The following LRFN2 variants were observed in gnomAD, a reference collection of about 807,000 sequenced individuals.
The protein encoded by LRFN2 is leucine rich repeat and fibronectin type III domain containing 2.
A neutral mutation model predicts 37.3 loss-of-function variants in LRFN2; 18 were observed. That is an observed-to-expected ratio of 0.48 (90% CI 0.33 to 0.72). The LOEUF (loss-of-function observed/expected upper bound fraction) is 0.72, where lower values mean the gene tolerates loss of function less well. Among genes scored for constraint, LRFN2 ranks in the 30% least tolerant of loss-of-function variants. LRFN2 has a pLI of 0.02. For missense variants in LRFN2, 1,006 were observed against 1,060.7 expected, an observed-to-expected ratio of 0.95 and a Z score of 0.72; for synonymous variants, 556 against 466.6, an observed-to-expected ratio of 1.19 and a Z score of -2.47.
At chr6:40,448,866 G>T (rs1407311532) in intron 1 of LRFN2, among the ~76,000 whole-genome samples, 3 of 152,192 alleles carry the variant, frequency 2.0e-5, no homozygotes, top group Non-Finnish European at 4.4e-5. Flanking sequence ...CTGTGGGCTG[G>T]GAAAGGGGTC....
rs938076746 is a variant in LRFN2, at chr6:40,474,144, G to A, written c.-18-41013C>T. Reference sequence around the variant, plus strand: ...TTCTCAGGTAAGTCGAGAGCCTTGTGTATTTGTTTCCTGGTGCTTCCATAA... The same window carrying A: ...TTCTCAGGTAAGTCGAGAGCCTTGTATATTTGTTTCCTGGTGCTTCCATAA... On this transcript the variant is annotated intron_variant, in intron 1 of 2. Coordinates refer to ENST00000338305, the MANE Select transcript of LRFN2 (RefSeq NM_020737.3). 3.9e-5 allele frequency among the ~76,000 whole-genome samples: 6 copies of A among 152,146 alleles called. No homozygotes were observed. The East Asian group carries it at 9.6e-4, about 24-fold the overall frequency.
chr6:40,430,006 T>C (rs1170608795), intron 2 of LRFN2, among the ~76,000 whole-genome samples: 5 of 152,220 alleles, frequency 3.3e-5, no homozygotes, highest in Non-Finnish European at 5.9e-5. Flanking sequence ...AATTTTTATT[T>C]CCTTCTTCAT....
At chr6:40,410,416 C>T (rs1158814660) in intron 2 of LRFN2, among the ~76,000 whole-genome samples, 1 of 152,140 alleles carries the variant, frequency 6.6e-6, no homozygotes, top group Non-Finnish European at 1.5e-5. Flanking sequence ...CCCGAAAGCA[C>T]ACAGGAGTTA....
In LRFN2 at chr6:40,507,240, T is replaced by G. The variant is rs148768771; in HGVS notation, c.-18-74109A>C. Among the ~76,000 whole-genome samples the G allele has an allele frequency of 6.4e-4, 98 of 152,338 alleles. 1 individual carries two copies. Among genetic ancestry groups the G allele is most frequent in the African/African-American group, 2.1e-3 (88 of 41,576 alleles). On this transcript the variant is annotated intron_variant, in intron 1 of 2. Coordinates refer to ENST00000338305, the MANE Select transcript of LRFN2 (RefSeq NM_020737.3). ...ATAAACGTCTACTGACACGTCAAAC[T>G]AGTCTCAGAGCCAGACTAATATTGC... is the stretch of plus-strand genomic sequence containing the variant.
At chr6:40,474,727 T>G (rs1764672977) in intron 1 of LRFN2, among the ~76,000 whole-genome samples, 1 of 152,174 alleles carries the variant, frequency 6.6e-6, no homozygotes. Context: ...TGACCCCAAG[T>G]GATCCTCCCA....
chr6:40,439,257 C>T (rs541852623), intron 1 of LRFN2, among the ~76,000 whole-genome samples: 86 of 152,296 alleles, frequency 5.6e-4, no homozygotes, highest in Non-Finnish European at 8.5e-4. Flanking sequence ...TGCCTGTCTC[C>T]GCTTCAGGTA....
chr6:40,411,003 T>G (rs1325977044), intron 2 of LRFN2, among the ~76,000 whole-genome samples: 1 of 152,208 alleles, frequency 6.6e-6, no homozygotes, highest in Admixed American at 6.5e-5. Context: ...AGCCATTAAT[T>G]GCACACCAGG....
intron 1 of LRFN2, among the ~76,000 whole-genome samples, chr6:40,439,548 G>C (rs901890593): frequency 4.3e-4 from 65 of 152,292 alleles, no homozygotes; most frequent in African/African-American, 1.4e-3. Flanking sequence ...TGCTGGGGGT[G>C]AATGCTGCCA....
intron 1 of LRFN2, among the ~76,000 whole-genome samples, chr6:40,577,096 T>TCTCGTC (rs1561913878): frequency 7.3e-6 from 1 of 137,706 alleles, no homozygotes; most frequent in Non-Finnish European, 1.6e-5. Context: ...TTCTTTTCTT[T>TCTCGTC]TCTTTTCCTT....
chr6:40,540,313 C>A (rs531375375), intron 1 of LRFN2, among the ~76,000 whole-genome samples: 3 of 152,140 alleles, frequency 2.0e-5, no homozygotes, highest in African/African-American at 7.2e-5. Context: ...TAGGCCAGCC[C>A]GTCCCTCCTC....
At chr6:40,585,357 G>C (rs1767481746) in intron 1 of LRFN2, among the ~76,000 whole-genome samples, 1 of 152,190 alleles carries the variant, frequency 6.6e-6, no homozygotes, top group African/African-American at 2.4e-5. Flanking sequence ...AGAAGGGAAA[G>C]ATGACATTCC....
intron 1 of LRFN2, among the ~76,000 whole-genome samples, chr6:40,500,467 T>C (rs991918660): frequency 6.6e-6 from 1 of 152,264 alleles, no homozygotes; most frequent in East Asian, 1.9e-4. Context: ...TCAGCCCTTG[T>C]TGATTCTGTC....
intron 1 of LRFN2, among the ~76,000 whole-genome samples, chr6:40,449,111 A>T (rs189365742): frequency 6.6e-6 from 1 of 152,188 alleles, no homozygotes; most frequent in African/African-American, 2.4e-5. Flanking sequence ...CATGGTGAAT[A>T]TAGTTAATAA....
At chr6:40,403,468 T>C (rs1285749853) in intron 2 of LRFN2, among the ~76,000 whole-genome samples, 1 of 152,160 alleles carries the variant, frequency 6.6e-6, no homozygotes, top group Non-Finnish European at 1.5e-5. Context: ...TCTTCTGCCC[T>C]TGTGGCTCCT....
chr6:40,586,227 C>T (rs531102691), intron 1 of LRFN2, among the ~76,000 whole-genome samples: 1 of 152,306 alleles, frequency 6.6e-6, no homozygotes, highest in East Asian at 1.9e-4. Context: ...CTCCTCCCTG[C>T]CCAGGCCAAC....
At chr6:40,554,740 C>T (rs1201518487) in intron 1 of LRFN2, among the ~76,000 whole-genome samples, 1 of 151,922 alleles carries the variant, frequency 6.6e-6, no homozygotes, top group Non-Finnish European at 1.5e-5. Flanking sequence ...TTTTGATCAC[C>T]CCCTTCCTAC....
chr6:40,485,967 GC>G (rs1439053132), intron 1 of LRFN2, among the ~76,000 whole-genome samples: 1 of 152,220 alleles, frequency 6.6e-6, no homozygotes, highest in Admixed American at 6.5e-5. Flanking sequence ...CTGGAGCTCA[GC>G]CCCCCTGGGG....
At chr6:40,492,738 C>T (rs1385409768) in intron 1 of LRFN2, among the ~76,000 whole-genome samples, 1 of 152,066 alleles carries the variant, frequency 6.6e-6, no homozygotes, top group African/African-American at 2.4e-5. Context: ...GCAACAGGCC[C>T]CCAAGGAGGG....
chr6:40,456,610 C>T (rs1005855303), intron 1 of LRFN2, among the ~76,000 whole-genome samples: 1 of 152,138 alleles, frequency 6.6e-6, no homozygotes, highest in Non-Finnish European at 1.5e-5. Flanking sequence ...ACAAAGCTGG[C>T]ATATTGGTTG....
Sources: allele counts gnomAD v4.1 joint callset (sites outside exome capture counted in the v4.1 genomes callset), GRCh38; gene constraint gnomAD v4.1.1; transcripts MANE v1.5; gene names NCBI Gene and HGNC (gene_info 2026-07-23, HGNC 2026-07-21).